The following GALNT13 variants were observed in gnomAD, a reference collection of about 807,000 sequenced individuals.
The protein encoded by GALNT13 is polypeptide N-acetylgalactosaminyltransferase 13, also known as UDP-GalNAc:polypeptide N-acetylgalactosaminyltransferase 13.
Under a neutral mutation model 64.2 loss-of-function variants are expected in GALNT13, and 28 were observed. The observed-to-expected ratio is 0.44, with a 90% CI of 0.32 to 0.60. The LOEUF (loss-of-function observed/expected upper bound fraction) is 0.60. Ranked by LOEUF, GALNT13 falls within the 20% of genes least tolerant of loss-of-function variation. The pLI is 0.05. For synonymous variants in GALNT13, 214 were observed against 224.6 expected (o/e 0.95, Z 0.42); for missense variants, 577 against 669.8 (o/e 0.86, Z 1.53).
At chr2:154,038,912 T>C (rs1027684678) in intron 3 of GALNT13, among the ~76,000 whole-genome samples, 1 of 151,818 alleles carries the variant, frequency 6.6e-6, no homozygotes, top group African/African-American at 2.4e-5. Flanking sequence ...ACTCAATATT[T>C]CCCAAACAAA....
the GALNT13 span, among the ~76,000 whole-genome samples, chr2:153,090,754 G>A: frequency 3.2e-3 from 489 of 152,242 alleles, 3 homozygotes; most frequent in African/African-American, 0.011. Flanking sequence ...GCAGGGTTAG[G>A]CAAGTCTGGA....
At chr2:153,838,324 C>T in the GALNT13 span, among the ~76,000 whole-genome samples, 1 of 151,866 alleles carries the variant, frequency 6.6e-6, no homozygotes, top group Non-Finnish European at 1.5e-5. Flanking sequence ...AAGCATTGTC[C>T]AGACCAATGT....
intron 8 of GALNT13, among the ~76,000 whole-genome samples, chr2:154,279,791 A>C (rs1463624684): frequency 6.6e-6 from 1 of 152,134 alleles, no homozygotes. Flanking sequence ...GACTATTACC[A>C]ATTAATTTTT....
intron 3 of GALNT13, among the ~76,000 whole-genome samples, chr2:153,982,571 C>T (rs2105162610): frequency 6.6e-6 from 1 of 152,120 alleles, no homozygotes; most frequent in African/African-American, 2.4e-5. Context: ...TAGCATCTGT[C>T]AGTGTAGATA....
chr2:153,387,292 C>T, the GALNT13 span, among the ~76,000 whole-genome samples: 1 of 152,020 alleles, frequency 6.6e-6, no homozygotes, highest in Non-Finnish European at 1.5e-5. Context: ...TCGACTTAAA[C>T]AATAAGACAG....
chr2:153,857,772 A>G, the GALNT13 span, among the ~76,000 whole-genome samples: 1 of 152,302 alleles, frequency 6.6e-6, no homozygotes, highest in East Asian at 1.9e-4. Flanking sequence ...GTTTAAATAC[A>G]GGATTTTAAT....
intron 1 of GALNT13, among the ~76,000 whole-genome samples, chr2:153,884,801 ATATATGTG>A (rs1411959787): frequency 9.5e-6 from 1 of 104,946 alleles, no homozygotes; most frequent in Non-Finnish European, 1.8e-5. Flanking sequence ...GTGTATATAT[ATATATGTG>A]TGTGTGTGTG....
chr2:153,949,406 T>C (rs938984252), intron 3 of GALNT13, among the ~76,000 whole-genome samples: 17 of 151,702 alleles, frequency 1.1e-4, no homozygotes, highest in African/African-American at 3.9e-4. Flanking sequence ...CCAGGCATGG[T>C]GGTGTGTGCC....
chr2:154,162,643 A>T (rs567626114), intron 4 of GALNT13, among the ~76,000 whole-genome samples: 5 of 152,198 alleles, frequency 3.3e-5, no homozygotes, highest in Non-Finnish European at 5.9e-5. Flanking sequence ...TTATATATGC[A>T]TTATTTGTGT....
At chr2:153,329,978 T>A in the GALNT13 span, among the ~76,000 whole-genome samples, 3 of 152,212 alleles carry the variant, frequency 2.0e-5, no homozygotes, top group Admixed American at 6.5e-5. Flanking sequence ...GCAGTCCAGT[T>A]TCATTCTTCT....
the GALNT13 span, among the ~76,000 whole-genome samples, chr2:153,350,384 C>CTTTTTTTTTTTTTTTTTT: frequency 7.7e-6 from 1 of 129,972 alleles, no homozygotes; most frequent in Admixed American, 7.9e-5. Flanking sequence ...TTCTTTCTTT[C>CTTTTTTTTTTTTTTTTTT]TTTTTTTTTT....
the GALNT13 span, among the ~76,000 whole-genome samples, chr2:153,718,022 G>A: frequency 6.6e-6 from 1 of 151,992 alleles, no homozygotes; most frequent in African/African-American, 2.4e-5. Flanking sequence ...TGTTGCTCTG[G>A]AATCATTTGA....
the GALNT13 span, among the ~76,000 whole-genome samples, chr2:153,277,913 G>T: frequency 0.017 from 914 of 53,292 alleles, 14 homozygotes; most frequent in African/African-American, 0.052. Flanking sequence ...TTTTTCTTTT[G>T]TTTTCTTTTC....
intron 4 of GALNT13, among the ~76,000 whole-genome samples, chr2:154,209,124 A>C (rs963758256): frequency 6.6e-6 from 1 of 152,118 alleles, no homozygotes; most frequent in African/African-American, 2.4e-5. Flanking sequence ...TTAAAAAAAA[A>C]GGTGTTTGTT....
intron 9 of GALNT13, among the ~76,000 whole-genome samples, chr2:154,355,119 T>C (rs961496209): frequency 2.6e-5 from 4 of 152,100 alleles, no homozygotes; most frequent in African/African-American, 7.2e-5. Flanking sequence ...ATTAGAATAC[T>C]ACACGGCAGC....
At chr2:154,145,761 C>T (rs1010277755) in intron 4 of GALNT13, among the ~76,000 whole-genome samples, 3 of 151,894 alleles carry the variant, frequency 2.0e-5, no homozygotes, top group Non-Finnish European at 4.4e-5. Flanking sequence ...AATTTATTTA[C>T]TACATAAAGT....
intron 11 of GALNT13, among the ~76,000 whole-genome samples, chr2:154,414,663 G>T (rs960782798): frequency 7.2e-5 from 11 of 151,832 alleles, no homozygotes; most frequent in African/African-American, 2.4e-4. Flanking sequence ...TAGTGATATT[G>T]TTGCTTATGT....
chr2:153,334,515 A>T, the GALNT13 span, among the ~76,000 whole-genome samples: 1 of 152,178 alleles, frequency 6.6e-6, no homozygotes, highest in Non-Finnish European at 1.5e-5. Context: ...CTTCTACTGC[A>T]GCATTCACCC....
chr2:153,981,555 T>C (rs566396818), intron 3 of GALNT13, among the ~76,000 whole-genome samples: 2 of 152,294 alleles, frequency 1.3e-5, no homozygotes, highest in African/African-American at 2.4e-5. Context: ...ACTCATCCTT[T>C]TTTATGGCTG....
Sources: allele counts gnomAD v4.1 joint callset (sites outside exome capture counted in the v4.1 genomes callset), GRCh38; gene constraint gnomAD v4.1.1; transcripts MANE v1.5; gene names NCBI Gene and HGNC (gene_info 2026-07-23, HGNC 2026-07-21).